CLIP2: variants seen among roughly 807,000 people sequenced by gnomAD.
CLIP2 encodes the protein CAP-Gly domain-containing linker protein 2.
Under a neutral mutation model 111.7 loss-of-function variants are expected in CLIP2, and 41 were observed. The observed-to-expected ratio is 0.37, with a 90% CI of 0.29 to 0.48. The LOEUF is 0.48. Ranked by LOEUF, CLIP2 falls within the 20% of genes least tolerant of loss-of-function variation. The pLI, the probability that CLIP2 is intolerant of heterozygous loss-of-function variation, is 0.99. For synonymous variants in CLIP2, 660 were observed against 644.2 expected (o/e 1.02, Z -0.37); for missense variants, 1,160 against 1,422.1 (o/e 0.82, Z 2.96).
In CLIP2 at chr7:74,353,845, A is replaced by T. The variant is rs570915029; in HGVS notation, c.679-35A>T. On this transcript the variant is annotated intron_variant, in intron 3 of 16. Transcript: ENST00000223398. ...CTGCCATCTCTGCCTGTGCCACTGC[A>T]TCCTCTAGACCTGAGTCTCCCTGTG... The T allele has an allele frequency of 7.4e-6, 12 of 1,613,936 alleles. No homozygotes were observed. In the East Asian group the frequency reaches 2.5e-4, roughly 33 times the overall value.
At chr7:74,309,844 A>G (rs1341173279) in intron 1 of CLIP2, among the ~76,000 whole-genome samples, 1 of 148,782 alleles carries the variant, frequency 6.7e-6, no homozygotes, top group Non-Finnish European at 1.5e-5. Flanking sequence ...AAAAAAAAGC[A>G]TTCATCTATG....
intron 2 of CLIP2, among the ~76,000 whole-genome samples, chr7:74,330,746 G>A (rs1245898463): frequency 6.6e-6 from 1 of 152,082 alleles, no homozygotes; most frequent in Admixed American, 6.6e-5. Flanking sequence ...TCTGAATAAT[G>A]TGACCATAAT....
chr7:74,397,042 G>A (rs781970287), intron 13 of CLIP2, 32 bp from the exon 14 acceptor site: 2 of 1,608,346 alleles, frequency 1.2e-6, no homozygotes, highest in South Asian at 1.1e-5. Context: ...CCAGGGCTGA[G>A]TGCAGTGGTT....
chr7:74,350,439 C>T (rs2522947), intron 3 of CLIP2, among the ~76,000 whole-genome samples: 92,844 of 151,904 alleles, frequency 0.61, 30,032 homozygotes, highest in Middle Eastern at 0.74. Context: ...AAGTCCTGGC[C>T]TCAAGTGATC....
intron 10 of CLIP2, among the ~76,000 whole-genome samples, chr7:74,378,498 G>A (rs377235769): frequency 1.2e-4 from 19 of 152,024 alleles, no homozygotes; most frequent in Admixed American, 3.3e-4. Flanking sequence ...CCAGCATTTC[G>A]AGAGGCTGAG....
At chr7:74,297,441 C>T (rs916084841) in intron 1 of CLIP2, among the ~76,000 whole-genome samples, 2 of 151,998 alleles carry the variant, frequency 1.3e-5, no homozygotes, top group Non-Finnish European at 2.9e-5. Flanking sequence ...TGTGCTACCA[C>T]CCTCCAGCCT....
Position 74,317,249 on chromosome 7 carries a change from G to T in CLIP2, c.-67-231G>T, listed in dbSNP as rs560187207. On this transcript the variant is annotated intron_variant, in intron 1 of 16. Transcript: ENST00000223398. ...CAGGATATAAGAGGGTAAGGCAATA[G>T]CCTCTCTGTGTGTTTGTCCTGCCCA... Among the ~76,000 whole-genome samples the T allele has an allele frequency of 9.8e-5, 15 of 152,296 alleles. No homozygotes were observed. In the South Asian group the frequency reaches 3.1e-3, roughly 32 times the overall value.
chr7:74,342,307 C>T (rs534385), intron 3 of CLIP2, among the ~76,000 whole-genome samples: 92,273 of 150,794 alleles, frequency 0.61, 30,147 homozygotes, highest in Middle Eastern at 0.74. Flanking sequence ...ACCTGGGAGG[C>T]GGAGATTGCA....
chr7:74,388,161 C>T lies in CLIP2; in HGVS notation c.2564-942C>T, dbSNP rs148231479. ...CCTGGCCAACATGATGAAATCCCGTCTCTACTAAAAATACAAAAAAATTAG... is the reference window on the plus strand; with the variant it reads ...CCTGGCCAACATGATGAAATCCCGTTTCTACTAAAAATACAAAAAAATTAG... On this transcript the variant is annotated intron_variant, in intron 12 of 16. Transcript: ENST00000223398. 1.3e-3 allele frequency among the ~76,000 whole-genome samples: 196 copies of T among 152,162 alleles called. 2 individuals are homozygous for T. The highest frequency in any genetic ancestry group is 2.5e-3 in the East Asian group (13 of 5,166).
Position 74,403,907 on chromosome 7 carries a change from G to A in CLIP2, c.*59G>A. 6.3e-7 allele frequency: 1 copy of A among 1,584,290 alleles called. No homozygotes were observed. Among genetic ancestry groups the A allele is most frequent in the South Asian group, 1.1e-5 (1 of 90,600 alleles). On this transcript the variant is annotated 3_prime_UTR_variant, in exon 17 of 17. Transcript: ENST00000223398. ...CACCAGAGCCCCACGCGGCTGCCCGGCAGTACCTCCTCCAGGCAGGAGCCG... is the reference window on the plus strand; with the variant it reads ...CACCAGAGCCCCACGCGGCTGCCCGACAGTACCTCCTCCAGGCAGGAGCCG...
intron 3 of CLIP2, among the ~76,000 whole-genome samples, chr7:74,348,871 G>A (rs1308430463): frequency 6.6e-6 from 1 of 151,894 alleles, no homozygotes; most frequent in African/African-American, 2.4e-5. Flanking sequence ...AGTAGGTCAG[G>A]CGTGATGGCT....
chr7:74,305,855 A>ACC (rs1478628381), intron 1 of CLIP2, among the ~76,000 whole-genome samples: 568 of 52,008 alleles, frequency 0.011, 5 homozygotes, highest in South Asian at 0.021. Context: ...CTGCACCCCA[A>ACC]CCCCCCCCCA....
intron 1 of CLIP2, among the ~76,000 whole-genome samples, chr7:74,294,658 T>C (rs1788121035): frequency 6.6e-6 from 1 of 152,210 alleles, no homozygotes; most frequent in Non-Finnish European, 1.5e-5. Context: ...TAGCTAAACC[T>C]GGCTGATGCT....
At chr7:74,336,860 G>T (rs1475507466) in intron 2 of CLIP2, among the ~76,000 whole-genome samples, 45 of 140,524 alleles carry the variant, frequency 3.2e-4, no homozygotes, top group African/African-American at 6.1e-4. Context: ...TGTTTTTTTT[G>T]TTTTTTTTTT....
chr7:74,334,197 A>G (rs1789381902), intron 2 of CLIP2, among the ~76,000 whole-genome samples: 1 of 152,218 alleles, frequency 6.6e-6, no homozygotes, highest in Admixed American at 6.5e-5. Flanking sequence ...TCTCAACTGC[A>G]GGAAGCTGAA....
At chr7:74,402,254 C>T (rs1042955464) in intron 16 of CLIP2, among the ~76,000 whole-genome samples, 34 of 148,568 alleles carry the variant, frequency 2.3e-4, no homozygotes, top group Admixed American at 5.5e-4. Flanking sequence ...GGCATGAACC[C>T]GGAAGGCGGA....
intron 1 of CLIP2, among the ~76,000 whole-genome samples, chr7:74,302,124 C>G (rs1437581347): frequency 6.6e-6 from 1 of 152,100 alleles, no homozygotes; most frequent in African/African-American, 2.4e-5. Flanking sequence ...CTAGCTCCCG[C>G]GAGACAGACA....
chr7:74,353,302 G>T (rs1790061354), intron 3 of CLIP2, among the ~76,000 whole-genome samples: 1 of 150,286 alleles, frequency 6.7e-6, no homozygotes, highest in African/African-American at 2.5e-5. Context: ...CCAGGCTGGA[G>T]TGCACTGGCG....
At chr7:74,370,392 G>T (rs578099) in intron 8 of CLIP2, among the ~76,000 whole-genome samples, 1 of 149,622 alleles carries the variant, frequency 6.7e-6, no homozygotes, top group Non-Finnish European at 1.5e-5. Flanking sequence ...GGAAGCAGAG[G>T]TTGCAGTGAG....
Sources: gnomAD v4.1 joint callset for allele counts (sites outside exome capture counted in the v4.1 genomes callset) on GRCh38, gnomAD v4.1.1 for gene constraint, MANE v1.5 for transcripts, NCBI Gene and HGNC (gene_info 2026-07-23, HGNC 2026-07-21) for gene names.